Variants in TOX observed in about 807,000 individuals in gnomAD.
TOX encodes the protein thymocyte selection-associated high mobility group box protein TOX.
A neutral mutation model predicts 53.7 loss-of-function variants in TOX; 11 were observed. The observed-to-expected ratio is 0.20, with a 90% CI of 0.13 to 0.34. TOX has a LOEUF of 0.34. TOX is among the 10% of genes least tolerant of loss of function. TOX has a pLI of 1.00. For synonymous variants in TOX, 225 were observed against 245.3 expected (o/e 0.92, Z 0.77); for missense variants, 570 against 664.6 (o/e 0.86, Z 1.56).
At chr8:59,057,148 G>T (rs1803901712) in intron 1 of TOX, among the ~76,000 whole-genome samples, 1 of 151,974 alleles carries the variant, frequency 6.6e-6, no homozygotes, top group African/African-American at 2.4e-5. Flanking sequence ...GCTGCCTTGA[G>T]CACTACATAT....
chr8:59,102,467 A>T (rs1804823123), intron 1 of TOX, among the ~76,000 whole-genome samples: 1 of 152,060 alleles, frequency 6.6e-6, no homozygotes, highest in South Asian at 2.1e-4. Context: ...ACCTCAGGTG[A>T]TCCACCTTCC....
intron 1 of TOX, among the ~76,000 whole-genome samples, chr8:58,985,935 G>A (rs1346847678): frequency 6.6e-6 from 1 of 152,096 alleles, no homozygotes; most frequent in Non-Finnish European, 1.5e-5. Flanking sequence ...AGAGCACCAA[G>A]GGCCTTATAA....
At position 59,117,728 on chromosome 8, in the gene TOX, G is replaced by A. The variant is rs1022696219; in HGVS notation, c.102+1158C>T. On this transcript the variant is annotated intron_variant, in intron 1 of 8. Transcript: ENST00000361421. The surrounding 1 kb of genome is among the most constrained non-coding windows in gnomAD (Gnocchi z 4.6). Reference sequence around the variant, plus strand: ...CGATTTTTCCCGTGGAATGCACCGAGGGTCGCCATGGATGTGCCTGCAGGG... The same window carrying A: ...CGATTTTTCCCGTGGAATGCACCGAAGGTCGCCATGGATGTGCCTGCAGGG... 6.6e-6 allele frequency among the ~76,000 whole-genome samples: 1 copy of A among 152,252 alleles called. No individual in the cohort carries two copies. The highest frequency in any genetic ancestry group is 2.4e-5 in the African/African-American group (1 of 41,456).
At chr8:58,978,016 A>G (rs1813135320) in intron 1 of TOX, among the ~76,000 whole-genome samples, 1 of 152,244 alleles carries the variant, frequency 6.6e-6, no homozygotes, top group Non-Finnish European at 1.5e-5. Flanking sequence ...CAAACTGTCA[A>G]TGTGTAAAAA....
At chr8:59,108,651 A>C (rs955752021) in intron 1 of TOX, among the ~76,000 whole-genome samples, 2 of 126,476 alleles carry the variant, frequency 1.6e-5, no homozygotes, top group African/African-American at 3.2e-5. Context: ...TAAATCATAA[A>C]GGAAACACAC....
intron 1 of TOX, among the ~76,000 whole-genome samples, chr8:59,019,428 A>G (rs544169684): frequency 6.6e-6 from 1 of 152,240 alleles, no homozygotes; most frequent in East Asian, 1.9e-4. Context: ...CACTAGGCAC[A>G]GAGAGAAAGA....
intron 3 of TOX, among the ~76,000 whole-genome samples, chr8:58,878,462 C>G (rs1385955741): frequency 1.3e-5 from 2 of 152,170 alleles, no homozygotes; most frequent in Non-Finnish European, 2.9e-5. Flanking sequence ...CTTTTTAAAT[C>G]TGCTTTGAAA....
chr8:58,946,292 C>T (rs573517398), intron 2 of TOX, among the ~76,000 whole-genome samples: 1 of 152,220 alleles, frequency 6.6e-6, no homozygotes, highest in South Asian at 2.1e-4. Flanking sequence ...TAAGCTTCCT[C>T]TGTACATTTT....
intron 1 of TOX, among the ~76,000 whole-genome samples, chr8:59,008,440 T>C (rs1813833346): frequency 1.3e-5 from 2 of 152,222 alleles, no homozygotes; most frequent in South Asian, 4.1e-4. Context: ...CCGAGCCCTG[T>C]GGGAGGGTCT....
At chr8:58,817,887 A>C (rs1039442399) in intron 6 of TOX, among the ~76,000 whole-genome samples, 2 of 152,214 alleles carry the variant, frequency 1.3e-5, no homozygotes, top group African/African-American at 4.8e-5. Context: ...ATTTCTATAT[A>C]TAACATATTA....
At chr8:59,030,683 C>T (rs1367052494) in intron 1 of TOX, among the ~76,000 whole-genome samples, 3 of 152,002 alleles carry the variant, frequency 2.0e-5, no homozygotes, top group South Asian at 2.1e-4. Flanking sequence ...TACTGGCTCC[C>T]GAGGTCATTA....
At chr8:58,868,521 A>G (rs952961694) in intron 3 of TOX, among the ~76,000 whole-genome samples, 3 of 152,000 alleles carry the variant, frequency 2.0e-5, no homozygotes, top group Non-Finnish European at 4.4e-5. Flanking sequence ...TGTGGGAATC[A>G]AACCATGGCT....
chr8:59,097,374 A>G (rs1194464380), intron 1 of TOX, among the ~76,000 whole-genome samples: 1 of 152,176 alleles, frequency 6.6e-6, no homozygotes, highest in Non-Finnish European at 1.5e-5. Flanking sequence ...CAGCAGCAAC[A>G]ACAGCAACTA....
chr8:59,081,510 A>G (rs1203117217), intron 1 of TOX, among the ~76,000 whole-genome samples: 2 of 152,248 alleles, frequency 1.3e-5, no homozygotes, highest in African/African-American at 4.8e-5. Flanking sequence ...AGTTTGTTAC[A>G]GTGCAAAAGA....
At chr8:59,033,240 A>G (rs1814392890) in intron 1 of TOX, among the ~76,000 whole-genome samples, 3 of 152,176 alleles carry the variant, frequency 2.0e-5, no homozygotes, top group Admixed American at 2.0e-4. Context: ...AAATTCTTTG[A>G]CACTCCTCCT....
chr8:58,885,719 T>G (rs1811455092), intron 3 of TOX, among the ~76,000 whole-genome samples: 2 of 152,156 alleles, frequency 1.3e-5, no homozygotes, highest in African/African-American at 4.8e-5. Flanking sequence ...TGCACTGAAG[T>G]GCTACAGATT....
intron 3 of TOX, among the ~76,000 whole-genome samples, chr8:58,868,026 C>T (rs527874682): frequency 1.3e-5 from 2 of 152,210 alleles, no homozygotes; most frequent in South Asian, 2.1e-4. Flanking sequence ...ATAATCCCCA[C>T]ATGTCATGGG....
chr8:58,876,910 T>A (rs974909674), intron 3 of TOX, among the ~76,000 whole-genome samples: 7 of 152,226 alleles, frequency 4.6e-5, no homozygotes, highest in African/African-American at 7.2e-5. Flanking sequence ...ATTCTGAGAA[T>A]GTTCTGAATT....
intron 3 of TOX, among the ~76,000 whole-genome samples, chr8:58,898,645 T>G (rs1165087213): frequency 6.6e-6 from 1 of 152,172 alleles, no homozygotes; most frequent in Middle Eastern, 3.2e-3. Context: ...GTATTTGTGC[T>G]CACACTTTTG....
Sources: allele counts gnomAD v4.1 joint callset (sites outside exome capture counted in the v4.1 genomes callset), GRCh38; gene constraint gnomAD v4.1.1; non-coding constraint Gnocchi (gnomAD v3.1); transcripts MANE v1.5; gene names NCBI Gene and HGNC (gene_info 2026-07-23, HGNC 2026-07-21).